The following TBC1D32 variants were observed in gnomAD, a reference collection of about 807,000 sequenced individuals.
TBC1D32 encodes the protein protein broad-minded.
TBC1D32 carries 151 observed loss-of-function variants against 170.3 expected under a neutral mutation model. The ratio of observed to expected loss-of-function variants is 0.89; its 90% confidence interval spans 0.78 to 1.01. The LOEUF is 1.01. TBC1D32 is among the 50% of genes least tolerant of loss of function. TBC1D32 has a pLI of 0.00. For synonymous variants in TBC1D32, 498 were observed against 488.0 expected (o/e 1.02, Z -0.27); for missense variants, 1,464 against 1,457.1 (o/e 1.00, Z -0.08).
Position 121,334,309 on chromosome 6 carries a change from A to G in TBC1D32, c.122T>C (p.Leu41Ser). ...ATTTTCATCAGTTTCCTCCAGATGTAAAAGAATCTCTTCGGCACACTCCAG... is the reference window on the plus strand; with the variant it reads ...ATTTTCATCAGTTTCCTCCAGATGTGAAAGAATCTCTTCGGCACACTCCAG... ...PSLECAEEIL[L>S]HLEETDENFH... is the part of the protein sequence containing the mutation. Residue 41 changes from leucine (L) to serine (S), a missense_variant, in exon 1 of 32, where the codon TTA (leucine) becomes TCA (serine). Physicochemically the swap from Leu to Ser is moderately radical, Grantham distance 145. Transcript: ENST00000398212. The G allele has an allele frequency of 6.2e-7, 1 of 1,614,114 alleles. No individual in the cohort carries two copies. Among genetic ancestry groups the G allele is most frequent in the East Asian group, 2.2e-5 (1 of 44,868 alleles).
chr6:121,259,528 T>A (rs552662827), intron 15 of TBC1D32, among the ~76,000 whole-genome samples: 1 of 152,242 alleles, frequency 6.6e-6, no homozygotes, highest in South Asian at 2.1e-4. Flanking sequence ...ACTGAACATA[T>A]ACATTCACTG....
intron 22 of TBC1D32, among the ~76,000 whole-genome samples, chr6:121,181,941 G>C (rs1346280024): frequency 6.6e-6 from 1 of 152,036 alleles, no homozygotes; most frequent in Non-Finnish European, 1.5e-5. Flanking sequence ...TGGAAGTAGG[G>C]AGTAAAATGG....
intron 22 of TBC1D32, among the ~76,000 whole-genome samples, chr6:121,181,065 C>T (rs1788442380): frequency 6.6e-6 from 1 of 151,978 alleles, no homozygotes. Flanking sequence ...GTTGGAATGG[C>T]TATTATCAAA....
At chr6:121,279,338 T>G in intron 14 of TBC1D32, 93 bp from the exon 15 acceptor site, 1 of 1,385,136 alleles carries the variant, frequency 7.2e-7, no homozygotes, top group Non-Finnish European at 9.8e-7. Flanking sequence ...AGTAGTCTTA[T>G]AAAGTTATAT....
intron 26 of TBC1D32, among the ~76,000 whole-genome samples, chr6:121,119,755 C>A (rs921274472): frequency 6.6e-6 from 1 of 152,014 alleles, no homozygotes; most frequent in East Asian, 1.9e-4. Flanking sequence ...AAGGGATAAA[C>A]AGCCAAACTA....
At chr6:121,106,626 T>C (rs188551667) in intron 29 of TBC1D32, among the ~76,000 whole-genome samples, 1 of 152,176 alleles carries the variant, frequency 6.6e-6, no homozygotes, top group African/African-American at 2.4e-5. Context: ...ATTTGCATTG[T>C]ACCCTTTACT....
At chr6:121,246,224 T>C (rs900649332) in intron 17 of TBC1D32, among the ~76,000 whole-genome samples, 6 of 152,126 alleles carry the variant, frequency 3.9e-5, no homozygotes, top group Non-Finnish European at 8.8e-5. Flanking sequence ...ACACACCAAG[T>C]ATATAACTAC....
chr6:121,094,261 G>A (rs541562768), intron 30 of TBC1D32, among the ~76,000 whole-genome samples: 6 of 151,980 alleles, frequency 3.9e-5, no homozygotes, highest in Non-Finnish European at 5.9e-5. Context: ...TCTGCCTCCT[G>A]AGTTCAAATG....
intron 17 of TBC1D32, among the ~76,000 whole-genome samples, chr6:121,253,155 A>T (rs1798513531): frequency 6.6e-6 from 1 of 152,184 alleles, no homozygotes. Context: ...AAATAAGCGG[A>T]GTAACCACAA....
chr6:121,111,170 T>C (rs1779166514), intron 29 of TBC1D32, among the ~76,000 whole-genome samples: 2 of 152,176 alleles, frequency 1.3e-5, no homozygotes, highest in Non-Finnish European at 2.9e-5. Flanking sequence ...TTTTCAGTTT[T>C]ATAGAAAGAA....
intron 2 of TBC1D32, among the ~76,000 whole-genome samples, chr6:121,318,083 C>T (rs1329128890): frequency 2.6e-5 from 4 of 151,924 alleles, no homozygotes; most frequent in African/African-American, 7.2e-5. Context: ...CTCCACCCCC[C>T]TATCCTTTAT....
At chr6:121,227,048 A>G (rs7768058) in intron 20 of TBC1D32, among the ~76,000 whole-genome samples, 97,402 of 151,782 alleles carry the variant, frequency 0.64, 36,733 homozygotes, top group Non-Finnish European at 0.84. Context: ...CTAATGAGCT[A>G]AGAAAATAAA....
At chr6:121,121,206 G>C (rs533027205) in intron 26 of TBC1D32, among the ~76,000 whole-genome samples, 6 of 152,098 alleles carry the variant, frequency 3.9e-5, no homozygotes, top group African/African-American at 1.2e-4. Flanking sequence ...GAATAAGAGA[G>C]GTTACATTCT....
rs370235434 is a variant in TBC1D32 at position 121,252,427 on chromosome 6, G to A, written c.2018+2901C>T. Among the ~76,000 whole-genome samples, 7 of 152,284 alleles carry A rather than the reference G, an allele frequency of 4.6e-5. No individual in the cohort carries two copies. In the East Asian group the frequency reaches 1.3e-3, roughly 29 times the overall value. On this transcript the variant is annotated intron_variant, in intron 17 of 31. Transcript: ENST00000398212. The stretch of plus-strand genomic sequence containing the variant: ...AGTTCATGTCCTTCGCAGGGAGATG[G>A]ATGAAGCTGGAAACCATCATTCTCA...
intron 26 of TBC1D32, among the ~76,000 whole-genome samples, chr6:121,118,879 A>G (rs1195236363): frequency 6.6e-6 from 1 of 152,184 alleles, no homozygotes; most frequent in Non-Finnish European, 1.5e-5. Context: ...CCTTGTGACC[A>G]GTCTACTGTA....
At chr6:121,276,490 G>A (rs1563197484) in intron 15 of TBC1D32, among the ~76,000 whole-genome samples, 1 of 151,922 alleles carries the variant, frequency 6.6e-6, no homozygotes, top group African/African-American at 2.4e-5. Flanking sequence ...CTCAATCAAA[G>A]CCAGATAAGG....
intron 9 of TBC1D32, among the ~76,000 whole-genome samples, chr6:121,303,212 A>C (rs1426958811): frequency 6.6e-6 from 1 of 152,198 alleles, no homozygotes; most frequent in African/African-American, 2.4e-5. Context: ...ATGAAAGAAT[A>C]CTTTCAGAAA....
At chr6:121,326,720 T>C (rs1009320130) in intron 1 of TBC1D32, among the ~76,000 whole-genome samples, 4 of 152,002 alleles carry the variant, frequency 2.6e-5, no homozygotes, top group Non-Finnish European at 5.9e-5. Context: ...GACCCCAGGG[T>C]TAAATCTTGT....
chr6:121,093,708 T>C (rs1051833882), intron 30 of TBC1D32, among the ~76,000 whole-genome samples: 3 of 152,178 alleles, frequency 2.0e-5, no homozygotes, highest in Non-Finnish European at 4.4e-5. Flanking sequence ...TTTTTTGGCA[T>C]GTATATACAT....
Sources: gnomAD v4.1 joint callset for allele counts (sites outside exome capture counted in the v4.1 genomes callset) on GRCh38, gnomAD v4.1.1 for gene constraint, MANE v1.5 for transcripts, NCBI Gene and HGNC (gene_info 2026-07-23, HGNC 2026-07-21) for gene names.